The following EMCN variants were observed in gnomAD, a reference collection of about 807,000 sequenced individuals.
EMCN encodes the protein endomucin.
Under a neutral mutation model 38.4 loss-of-function variants are expected in EMCN, and 37 were observed. That is an observed-to-expected ratio of 0.96 (90% CI 0.74 to 1.27). EMCN has a LOEUF of 1.27. Among genes scored for constraint, EMCN ranks in the 50% most tolerant of loss-of-function variants. The probability of loss-of-function intolerance (pLI) is 0.00; values close to 1 mark genes in which losing one functional copy is unlikely to be tolerated. For missense variants in EMCN, 318 were observed against 302.8 expected (o/e 1.05, Z -0.37); for synonymous variants, 95 against 100.8 (o/e 0.94, Z 0.35).
At chr4:100,461,716 T>C (rs1202883649) in intron 4 of EMCN, among the ~76,000 whole-genome samples, 1 of 152,162 alleles carries the variant, frequency 6.6e-6, no homozygotes, top group Admixed American at 6.6e-5. Flanking sequence ...TCCAACTTTC[T>C]AGGGAATAAA....
At chr4:100,500,858 A>G (rs978374542) in intron 1 of EMCN, among the ~76,000 whole-genome samples, 6 of 152,016 alleles carry the variant, frequency 3.9e-5, no homozygotes, top group African/African-American at 7.2e-5. Context: ...TTTTATTTCT[A>G]TTATTGCATA....
In EMCN at chr4:100,480,013, G is replaced by A; in HGVS notation, c.91C>T (p.Leu31Phe). ...TGVLEAANNS[L>F]VVTTTKPSIT... ...GATGGTTTTGTTGTAGTAACAACAA[G>A]TGAATTATTAGCTGCCTCTAAAACA... Residue 31 changes from leucine to phenylalanine, a missense_variant, in exon 2 of 12, where the codon CTT becomes TTT. Physicochemically the swap from Leu to Phe is conservative, Grantham distance 22 (BLOSUM62 0). Coordinates refer to ENST00000296420, the MANE Select transcript of EMCN (RefSeq NM_016242.4). 1.3e-6 allele frequency: 2 copies of A among 1,587,748 alleles called. No homozygotes were observed. Among genetic ancestry groups the A allele is most frequent in the Non-Finnish European group, 1.7e-6 (2 of 1,168,306 alleles).
chr4:100,397,627 T>C lies in EMCN; in HGVS notation c.*786A>G, dbSNP rs959265359. 1 of 152,156 alleles carries C rather than the reference T, an allele frequency of 6.6e-6. No individual in the cohort carries two copies. Among genetic ancestry groups the C allele is most frequent in the Non-Finnish European group, 1.5e-5 (1 of 68,018 alleles). The allele number at this position is 152,156 out of a possible 1,614,324, so 9.4% of individuals were successfully genotyped here. A position where few individuals can be genotyped will look rare whatever the true frequency, so the allele number is the denominator to read the frequency against. On this transcript the variant is annotated 3_prime_UTR_variant, in exon 12 of 12. Coordinates refer to ENST00000296420, the MANE Select transcript of EMCN (RefSeq NM_016242.4). ...GCACTTACATCTTCATCACATAGTA[T>C]GAATGACAAATAGAAAGACCAAAGA...
intron 10 of EMCN, among the ~76,000 whole-genome samples, chr4:100,415,608 C>T (rs1462787787): frequency 1.3e-5 from 2 of 152,102 alleles, no homozygotes; most frequent in African/African-American, 4.8e-5. Context: ...AACTTGTTAA[C>T]AAATTTTGGT....
intron 8 of EMCN, among the ~76,000 whole-genome samples, chr4:100,418,388 G>A (rs966414166): frequency 2.0e-5 from 3 of 152,034 alleles, no homozygotes; most frequent in African/African-American, 7.2e-5. Flanking sequence ...AGTATCCTTC[G>A]TGTTACAAAC....
intron 5 of EMCN, among the ~76,000 whole-genome samples, chr4:100,432,813 C>T (rs1727239342): frequency 6.6e-6 from 1 of 151,968 alleles, no homozygotes; most frequent in Admixed American, 6.6e-5. Flanking sequence ...TTTCTTTGAT[C>T]TCTCATTTTA....
At chr4:100,455,272 A>T (rs1439381140) in intron 4 of EMCN, among the ~76,000 whole-genome samples, 1 of 152,090 alleles carries the variant, frequency 6.6e-6, no homozygotes, top group African/African-American at 2.4e-5. Context: ...TAAACCTTCC[A>T]TACATTTTTG....
Position 100,445,343 on chromosome 4 carries a change from T to TG in EMCN, c.415+2189_415+2190insC, listed in dbSNP as rs1205297246. On this transcript the variant is annotated intron_variant, in intron 5 of 11. Coordinates refer to ENST00000296420, the MANE Select transcript of EMCN (RefSeq NM_016242.4). ...TTTTATATAGAATCCTTACTTATTTTTAATCTCCCAAAAAGGTTCTACATA... is the reference window on the plus strand; with the variant it reads ...TTTTATATAGAATCCTTACTTATTTTGTAATCTCCCAAAAAGGTTCTACATA... 2.6e-5 allele frequency among the ~76,000 whole-genome samples: 4 copies of TG among 152,308 alleles called. No homozygotes were observed. In the East Asian group the frequency reaches 5.8e-4, roughly 22 times the overall value.
At chr4:100,469,643 C>A (rs1243953893) in intron 3 of EMCN, among the ~76,000 whole-genome samples, 1 of 61,160 alleles carries the variant, frequency 1.6e-5, no homozygotes, top group African/African-American at 3.2e-5. Context: ...TAATCTTCTG[C>A]ATATGGCTAG....
intron 5 of EMCN, among the ~76,000 whole-genome samples, chr4:100,433,043 T>C (rs1271984844): frequency 6.6e-6 from 1 of 152,174 alleles, no homozygotes; most frequent in Non-Finnish European, 1.5e-5. Flanking sequence ...GTGTTAACAA[T>C]GTCCTTATGT....
Position 100,486,403 on chromosome 4 carries a change from A to C in EMCN, c.65-6364T>G, listed in dbSNP as rs75909108. Among the ~76,000 whole-genome samples the C allele has an allele frequency of 2.8e-3, 433 of 152,362 alleles. 4 individuals are homozygous for C. The highest frequency in any genetic ancestry group is 1.0e-2 in the African/African-American group (414 of 41,588). On this transcript the variant is annotated intron_variant, in intron 1 of 11. Transcript: ENST00000296420. ...AGGGGAAATCAGGGAAATCCCATTT[A>C]CAATGAAAACATCAGAGCTAGGGGC...
chr4:100,426,998 A>AT (rs934747580), intron 5 of EMCN, among the ~76,000 whole-genome samples: 55 of 149,286 alleles, frequency 3.7e-4, no homozygotes, highest in African/African-American at 1.2e-3. Context: ...TCCCTCCCCA[A>AT]TTTTTTTTTT....
chr4:100,505,002 A>G (rs774293378), intron 1 of EMCN, among the ~76,000 whole-genome samples: 4 of 152,178 alleles, frequency 2.6e-5, no homozygotes, highest in Non-Finnish European at 4.4e-5. Flanking sequence ...GAAAGTACTA[A>G]AAGTCTCTGA....
At chr4:100,453,637 A>T (rs969024858) in intron 4 of EMCN, among the ~76,000 whole-genome samples, 1 of 152,128 alleles carries the variant, frequency 6.6e-6, no homozygotes, top group Non-Finnish European at 1.5e-5. Context: ...ATCTAGAACT[A>T]GAAATACCAT....
In EMCN at chr4:100,410,317, G is replaced by T; in HGVS notation, c.*4C>A. 2 of 1,613,498 alleles carry T rather than the reference G, an allele frequency of 1.2e-6. No homozygotes were observed. The highest frequency in any genetic ancestry group is 1.7e-6 in the Non-Finnish European group (2 of 1,179,464). ...CCTAGGTGTGGAGAGAATTCCTCAA[G>T]CTGTCAGTTCTTGGTTTTTCCTTGT... On this transcript the variant is annotated 3_prime_UTR_variant, in exon 11 of 12. Coordinates refer to ENST00000296420, the MANE Select transcript of EMCN (RefSeq NM_016242.4).
chr4:100,416,306 G>A (rs368651230), intron 9 of EMCN, among the ~76,000 whole-genome samples: 1 of 152,134 alleles, frequency 6.6e-6, no homozygotes, highest in South Asian at 2.1e-4. Flanking sequence ...GGTCCATATC[G>A]CACATGTCTC....
rs1170053197 is a variant in EMCN, at chr4:100,421,526, A to T, written c.569-149T>A. On this transcript the variant is annotated intron_variant, in intron 7 of 11. Transcript: ENST00000296420. ...TTTTAGGCAAAGATTCCTCTGATTC[A>T]TGGGGTTTGCTCTAGTTGTCATCTT... 4.5e-6 allele frequency: 3 copies of T among 670,624 alleles called. No homozygotes were observed. In the South Asian group the frequency reaches 5.7e-5, roughly 13 times the overall value. The allele number at this position is 670,624 out of a possible 1,614,324, so 41.5% of individuals were successfully genotyped here. A position where few individuals can be genotyped will look rare whatever the true frequency, so the allele number is the denominator to read the frequency against.
At chr4:100,409,147 A>G (rs951065089) in intron 11 of EMCN, among the ~76,000 whole-genome samples, 8 of 152,176 alleles carry the variant, frequency 5.3e-5, no homozygotes, top group Admixed American at 2.0e-4. Context: ...CATGAATAAC[A>G]ATATTTCTCA....
At chr4:100,426,662 A>G in intron 5 of EMCN, among the ~76,000 whole-genome samples, 1 of 152,192 alleles carries the variant, frequency 6.6e-6, no homozygotes, top group South Asian at 2.1e-4. Flanking sequence ...GTAGAAATGA[A>G]GCCTCAGGAA....
Sources: allele counts gnomAD v4.1 joint callset (sites outside exome capture counted in the v4.1 genomes callset), GRCh38; gene constraint gnomAD v4.1.1; transcripts MANE v1.5; gene names NCBI Gene and HGNC (gene_info 2026-07-23, HGNC 2026-07-21).